Variants in KIF13A observed in about 807,000 individuals in gnomAD.
The protein encoded by KIF13A is kinesin family member 13A.
KIF13A carries 79 observed loss-of-function variants against 212.2 expected under a neutral mutation model. The observed-to-expected ratio is 0.37, with a 90% confidence interval of 0.31 to 0.45. KIF13A has a LOEUF of 0.45. Ranked by LOEUF, KIF13A falls within the 20% of genes least tolerant of loss-of-function variation. KIF13A has a pLI of 1.00. For missense variants in KIF13A, 1,901 were observed against 2,209.0 expected, an observed-to-expected ratio of 0.86 and a Z score of 2.79; for synonymous variants, 789 against 808.6, an observed-to-expected ratio of 0.98 and a Z score of 0.41.
intron 2 of KIF13A, among the ~76,000 whole-genome samples, chr6:17,943,311 G>A (rs1777105814): frequency 6.6e-6 from 1 of 151,330 alleles, no homozygotes; most frequent in African/African-American, 2.4e-5. Flanking sequence ...TCTCTCTCCT[G>A]TGTTTAATTC....
chr6:17,973,540 T>G (rs1158573465), intron 2 of KIF13A, among the ~76,000 whole-genome samples: 1 of 152,094 alleles, frequency 6.6e-6, no homozygotes, highest in East Asian at 1.9e-4. Context: ...GTATTTCAGC[T>G]CCTATAAATG....
chr6:17,802,923 G>GGGT (rs1762588961), intron 20 of KIF13A, among the ~76,000 whole-genome samples: 1 of 135,652 alleles, frequency 7.4e-6, no homozygotes, highest in Admixed American at 7.8e-5. Context: ...ATTTTTTTGT[G>GGGT]TTTTTTTTGT....
intron 2 of KIF13A, among the ~76,000 whole-genome samples, chr6:17,976,716 G>A (rs1474246673): frequency 6.6e-6 from 1 of 151,988 alleles, no homozygotes; most frequent in African/African-American, 2.4e-5. Flanking sequence ...GAGCGAGCGA[G>A]GGCTCTGAGG....
chr6:17,791,853 T>C (rs137933646), intron 25 of KIF13A, among the ~76,000 whole-genome samples: 3,117 of 148,320 alleles, frequency 0.021, 43 homozygotes, highest in Non-Finnish European at 0.034. Flanking sequence ...TGAGCCGAGA[T>C]TGTGCCACCA....
At chr6:17,911,602 C>G (rs547618252) in intron 2 of KIF13A, among the ~76,000 whole-genome samples, 1 of 148,888 alleles carries the variant, frequency 6.7e-6, no homozygotes, top group South Asian at 2.1e-4. Context: ...AAAATCAAAA[C>G]AATTAAACTC....
In KIF13A at chr6:17,900,041, T is replaced by G. The variant is rs899875605; in HGVS notation, c.147-1861A>C. ...CTTTATTCTTTAAAAGCCATGAAAA[T>G]CACTGCTTTATTTAAAAGAGGAAAG... On this transcript the variant is annotated intron_variant, in intron 2 of 38. Transcript: ENST00000259711. The surrounding 1 kb of genome is among the most constrained non-coding windows in gnomAD (Gnocchi z 4.6). 6.6e-6 allele frequency among the ~76,000 whole-genome samples: 1 copy of G among 152,206 alleles called. No homozygotes were observed. Among genetic ancestry groups the G allele is most frequent in the Non-Finnish European group, 1.5e-5 (1 of 68,034 alleles).
Position 17,987,042 on chromosome 6 carries a change from A to G in KIF13A, c.146+12T>C. 6.2e-7 allele frequency: 1 copy of G among 1,609,580 alleles called. No individual in the cohort carries two copies. The highest frequency in any genetic ancestry group is 8.5e-7 in the Non-Finnish European group (1 of 1,175,988). On this transcript the variant is annotated intron_variant, in intron 2 of 38. Transcript: ENST00000259711. The surrounding 1 kb of genome is among the most constrained non-coding windows in gnomAD (Gnocchi z 7.7). ...TGGATCCTCCCAGCCGCCCTCTCGG[A>G]ACCCGCTTTACCTTTCTCCCTGTTT...
At chr6:17,958,796 TCTA>T (rs1354271742) in intron 2 of KIF13A, among the ~76,000 whole-genome samples, 1 of 152,056 alleles carries the variant, frequency 6.6e-6, no homozygotes. Context: ...CTGATTTTCA[TCTA>T]CTACTTATTC....
intron 4 of KIF13A, among the ~76,000 whole-genome samples, chr6:17,870,776 C>A (rs1769930964): frequency 6.6e-6 from 1 of 152,038 alleles, no homozygotes; most frequent in South Asian, 2.1e-4. Context: ...GCTGGGTTCC[C>A]CCCCGCCAAG....
chr6:17,792,827 T>G (rs1352926096), intron 25 of KIF13A, among the ~76,000 whole-genome samples: 1 of 152,224 alleles, frequency 6.6e-6, no homozygotes, highest in South Asian at 2.1e-4. Context: ...GAAGAGACTT[T>G]GCCTGAAAGC....
chr6:17,859,631 TA>T (rs1470133151), intron 4 of KIF13A, among the ~76,000 whole-genome samples: 1 of 107,504 alleles, frequency 9.3e-6, no homozygotes, highest in Non-Finnish European at 1.8e-5. Context: ...TATATATATA[TA>T]TATATATTTT....
At chr6:17,916,960 C>G (rs1774566051) in intron 2 of KIF13A, among the ~76,000 whole-genome samples, 1 of 150,128 alleles carries the variant, frequency 6.7e-6, no homozygotes, top group South Asian at 2.1e-4. Context: ...AATCTCAATA[C>G]AACAAGCTAT....
intron 3 of KIF13A, among the ~76,000 whole-genome samples, chr6:17,877,876 A>C (rs778947211): frequency 6.6e-6 from 1 of 152,190 alleles, no homozygotes; most frequent in Non-Finnish European, 1.5e-5. Flanking sequence ...ATTTGCAGTC[A>C]GTATTTACTG....
intron 4 of KIF13A, among the ~76,000 whole-genome samples, chr6:17,860,830 A>G (rs1039029105): frequency 3.3e-5 from 5 of 152,170 alleles, no homozygotes; most frequent in Non-Finnish European, 7.4e-5. Context: ...AATGAATCCC[A>G]TAAGACTACA....
intron 2 of KIF13A, among the ~76,000 whole-genome samples, chr6:17,930,120 A>C (rs1775867254): frequency 6.6e-6 from 1 of 152,230 alleles, no homozygotes; most frequent in African/African-American, 2.4e-5. Context: ...AAAAGGACTT[A>C]ACAGGTGACA....
At chr6:17,950,676 AG>A (rs1269712010) in intron 2 of KIF13A, 1 of 984,910 alleles carries the variant, frequency 1.0e-6, no homozygotes, top group Non-Finnish European at 1.2e-6. Context: ...TATGTGTCTA[AG>A]AGTCCTCAAA....
rs934444208 is a variant in KIF13A at position 17,789,698 on chromosome 6, A to G, written c.3261+174T>C. Among the ~76,000 whole-genome samples, 1 of 152,202 alleles carries G rather than the reference A, an allele frequency of 6.6e-6. No individual in the cohort carries two copies. The highest frequency in any genetic ancestry group is 2.4e-5 in the African/African-American group (1 of 41,452). ...GTTATAAATTTTGAACTGACAAGGC[A>G]TCTATAGAAATAATATTGTGTTTGA... On this transcript the variant is annotated intron_variant, in intron 26 of 38. Transcript: ENST00000259711. This position sits in a 1 kb window ranked among gnomAD's most constrained non-coding sequence, Gnocchi z 4.8.
At chr6:17,844,056 A>AAG (rs1554183115) in intron 9 of KIF13A, among the ~76,000 whole-genome samples, 2 of 151,596 alleles carry the variant, frequency 1.3e-5, no homozygotes, top group Admixed American at 1.3e-4. Context: ...AAAAAAAAAA[A>AAG]AAAGAAAGAA....
chr6:17,763,483 AAAAAAAAAAAAAG>A (rs1293646008), downstream of KIF13A, among the ~76,000 whole-genome samples: 7 of 149,888 alleles, frequency 4.7e-5, no homozygotes, highest in African/African-American at 1.8e-4. Context: ...CTCAAAAAAA[AAAAAAAAAAAAAG>A]AAAAAAGAAA....
Sources: gnomAD v4.1 joint callset for allele counts (sites outside exome capture counted in the v4.1 genomes callset) on GRCh38, gnomAD v4.1.1 for gene constraint, Gnocchi (gnomAD v3.1) non-coding constraint, MANE v1.5 for transcripts, NCBI Gene and HGNC (gene_info 2026-07-23, HGNC 2026-07-21) for gene names.